Variants in TMEM50A observed in about 807,000 individuals in gnomAD.
The protein encoded by TMEM50A is transmembrane protein 50A.
In TMEM50A, 8 loss-of-function variants were observed where a neutral mutation model predicts 23.9. The observed-to-expected ratio is 0.33, with a 90% CI of 0.20 to 0.60. The LOEUF is 0.60. Ranked by LOEUF, TMEM50A falls within the 20% of genes least tolerant of loss-of-function variation. The pLI is 0.81. For missense variants in TMEM50A, 178 were observed against 192.7 expected (o/e 0.92, Z 0.45); for synonymous variants, 55 against 60.4 (o/e 0.91, Z 0.41).
chr1:25,341,783 C>A (rs1247228011), intron 2 of TMEM50A, among the ~76,000 whole-genome samples: 1 of 152,200 alleles, frequency 6.6e-6, no homozygotes, highest in African/African-American at 2.4e-5. Flanking sequence ...CAACCTCGAC[C>A]TCCCGGGCTC....
At chr1:25,352,487 C>G (rs557269524) in intron 4 of TMEM50A, among the ~76,000 whole-genome samples, 18 of 140,798 alleles carry the variant, frequency 1.3e-4, no homozygotes, top group African/African-American at 5.0e-4. Context: ...CAGAGCAAGA[C>G]TCTGCCTCAA....
chr1:25,344,586 G>T (rs994887509), intron 3 of TMEM50A, among the ~76,000 whole-genome samples: 12 of 151,082 alleles, frequency 7.9e-5, no homozygotes, highest in Non-Finnish European at 8.8e-5. Flanking sequence ...CACCTTGTTT[G>T]CCAGGCTGGT....
rs2124232343 is a variant in TMEM50A at position 25,340,565 on chromosome 1, G to A, written c.79G>A (p.Ala27Thr). The change falls in exon 2 of 7, where the codon GCT (alanine) becomes ACT (threonine). Residue 27 changes from alanine (A) to threonine (T), a missense_variant. Ala to Thr is a moderately conservative substitution (Grantham distance 58). Coordinates refer to ENST00000374358, the MANE Select transcript of TMEM50A (RefSeq NM_014313.4). The part of the protein sequence containing the change: ...GEKRNTIASI[A>T]AGVLFFTGWW... ...AAAGCGCAATACTATTGCTTCCATT[G>A]CTGCTGGTGTACTAGTAAGTGTCAT... 6.2e-7 allele frequency: 1 copy of A among 1,613,248 alleles called. No individual in the cohort carries two copies. Among genetic ancestry groups the A allele is most frequent in the Non-Finnish European group, 8.5e-7 (1 of 1,179,688 alleles).
At chr1:25,354,056 A>G (rs1453101657) in intron 5 of TMEM50A, among the ~76,000 whole-genome samples, 3 of 152,022 alleles carry the variant, frequency 2.0e-5, no homozygotes, top group South Asian at 2.1e-4. Context: ...CAGTGGCACA[A>G]TCTCAGCTTA....
At chr1:25,359,507 T>A (rs200802950) in intron 6 of TMEM50A, among the ~76,000 whole-genome samples, 1 of 146,738 alleles carries the variant, frequency 6.8e-6, no homozygotes, top group African/African-American at 2.5e-5. Context: ...TGATGAGCTT[T>A]AAAAAAAAAA....
At chr1:25,358,524 G>A (rs773001786) in intron 6 of TMEM50A, among the ~76,000 whole-genome samples, 8 of 152,158 alleles carry the variant, frequency 5.3e-5, no homozygotes, top group Non-Finnish European at 7.3e-5. Flanking sequence ...TTGCCCTTCA[G>A]AAAGAGCCAC....
At position 25,356,896 on chromosome 1, in the gene TMEM50A, A is replaced by T. The variant is rs536129429; in HGVS notation, c.428+43A>T. 1.4e-4 allele frequency: 190 copies of T among 1,362,670 alleles called. 1 individual carries two copies. Among genetic ancestry groups the T allele is most frequent in the South Asian group, 4.2e-4 (33 of 77,788 alleles). The allele number at this position is 1,362,670 out of a possible 1,614,324, so 84.4% of individuals were successfully genotyped here. ...TCTTTATGTTTGTTTGTTTTTTTTT[A>T]AAATAGCTTCTTTTATATCATTTTC... On this transcript the variant is annotated intron_variant, in intron 6 of 6. Transcript: ENST00000374358.
At chr1:25,341,884 T>G (rs1645172759) in intron 2 of TMEM50A, among the ~76,000 whole-genome samples, 1 of 151,252 alleles carries the variant, frequency 6.6e-6, no homozygotes, top group Non-Finnish European at 1.5e-5. Flanking sequence ...TTTTTGTTTG[T>G]TTTTTTTGTA....
rs1645180626 is a variant in TMEM50A at position 25,342,960 on chromosome 1, G to T, written c.94-1G>T. ...TCTCATTGGTATCACCTTTGTTTTA[G>T]TTTTTTACAGGCTGGTGGATTATCA... On this transcript the variant is annotated splice_acceptor_variant, in intron 2 of 6. Coordinates refer to ENST00000374358, the MANE Select transcript of TMEM50A (RefSeq NM_014313.4). LOFTEE classifies it high-confidence loss of function. The T allele has an allele frequency of 6.2e-7, 1 of 1,609,696 alleles. No homozygotes were observed. The highest frequency in any genetic ancestry group is 8.5e-7 in the Non-Finnish European group (1 of 1,178,586).
At chr1:25,357,074 G>A (rs137895588) in intron 6 of TMEM50A, among the ~76,000 whole-genome samples, 12 of 152,118 alleles carry the variant, frequency 7.9e-5, no homozygotes, top group African/African-American at 2.7e-4. Context: ...TTGCTACCAC[G>A]CCCCCTTTTA....
At position 25,338,425 on chromosome 1, in the gene TMEM50A, G is replaced by A. The variant is rs1392246043; in HGVS notation, c.-45G>A. 2.0e-5 allele frequency: 3 copies of A among 153,316 alleles called. No homozygotes were observed. The highest frequency in any genetic ancestry group is 4.3e-5 in the Non-Finnish European group (3 of 68,968). 9.5% of individuals were successfully genotyped at this position (153,316 alleles called of 1,614,324 possible). ...GGCGGGCCGGCGCGGCGCGACACCG[G>A]GCTCCGGAACCACTGCACGACGGGG... is the stretch of plus-strand genomic sequence containing the variant. On this transcript the variant is annotated 5_prime_UTR_variant, in exon 1 of 7. Coordinates refer to ENST00000374358, the MANE Select transcript of TMEM50A (RefSeq NM_014313.4).
intron 5 of TMEM50A, among the ~76,000 whole-genome samples, chr1:25,354,135 C>T (rs1053167309): frequency 3.9e-5 from 6 of 152,114 alleles, no homozygotes; most frequent in African/African-American, 1.2e-4. Flanking sequence ...AGATGACGGG[C>T]GCATGCCACC....
intron 6 of TMEM50A, 64 bp from the exon 7 acceptor site, chr1:25,360,596 G>A (rs1312948274): frequency 3.2e-6 from 5 of 1,576,362 alleles, no homozygotes; most frequent in East Asian, 2.2e-5. Context: ...CACCATTCTC[G>A]AAATCTCACA....
At chr1:25,344,354 T>G (rs1645192218) in intron 3 of TMEM50A, among the ~76,000 whole-genome samples, 1 of 152,226 alleles carries the variant, frequency 6.6e-6, no homozygotes, top group Admixed American at 6.5e-5. Context: ...GAAAAATTTT[T>G]AAAACCGGTA....
intron 3 of TMEM50A, among the ~76,000 whole-genome samples, chr1:25,349,525 T>G (rs909258341): frequency 2.0e-5 from 3 of 152,256 alleles, no homozygotes; most frequent in Admixed American, 1.3e-4. Flanking sequence ...CAGAGATCAC[T>G]GAAAATAATT....
At chr1:25,354,038 C>T in intron 5 of TMEM50A, among the ~76,000 whole-genome samples, 1 of 152,108 alleles carries the variant, frequency 6.6e-6, no homozygotes, top group Middle Eastern at 3.4e-3. Flanking sequence ...GTCACCCAGG[C>T]TGGAATGCAG....
intron 6 of TMEM50A, among the ~76,000 whole-genome samples, chr1:25,360,061 C>G (rs181890185): frequency 2.6e-5 from 4 of 151,958 alleles, no homozygotes; most frequent in Admixed American, 6.6e-5. Flanking sequence ...TAAAATCAGA[C>G]GTATAGGGCT....
intron 3 of TMEM50A, 74 bp from the exon 4 acceptor site, chr1:25,351,552 A>C: frequency 7.6e-7 from 1 of 1,311,538 alleles, no homozygotes; most frequent in East Asian, 2.4e-5. Context: ...CTTACATTTG[A>C]GAAACTGTAG....
At chr1:25,343,816 A>G (rs1291526528) in intron 3 of TMEM50A, among the ~76,000 whole-genome samples, 1 of 152,230 alleles carries the variant, frequency 6.6e-6, no homozygotes, top group Non-Finnish European at 1.5e-5. Flanking sequence ...CAGGCAGGTG[A>G]AACAGCAAGT....
Sources: allele counts gnomAD v4.1 joint callset (sites outside exome capture counted in the v4.1 genomes callset), GRCh38; gene constraint gnomAD v4.1.1; transcripts MANE v1.5; gene names NCBI Gene and HGNC (gene_info 2026-07-23, HGNC 2026-07-21).